SEC24D: variants seen among roughly 807,000 people sequenced by gnomAD.
SEC24D encodes SEC24 homolog D, COPII component.
Under a neutral mutation model 116.9 loss-of-function variants are expected in SEC24D, and 69 were observed. That is an observed-to-expected ratio of 0.59 (90% CI 0.49 to 0.72). The LOEUF is 0.72. SEC24D is among the 30% of genes least tolerant of loss of function. The probability of loss-of-function intolerance (pLI) is 0.00; values close to 1 mark genes in which losing one functional copy is unlikely to be tolerated. For synonymous variants in SEC24D, 405 were observed against 442.8 expected (o/e 0.91, Z 1.07); for missense variants, 1,131 against 1,264.1 (o/e 0.89, Z 1.60).
At position 118,764,880 on chromosome 4, in the gene SEC24D, T is replaced by C. The variant is rs781631414; in HGVS notation, c.1218A>G (p.Gly406=). The change falls in exon 10 of 23, where the codon GGA becomes GGG. Residue 406 remains glycine (G), a synonymous_variant. Coordinates refer to ENST00000280551, the MANE Select transcript of SEC24D (RefSeq NM_014822.4). ...GTTTCTCATAGTGGTCCAGTCTTCT[T>C]CCAATGTGGTCCAGATGTTGGAAAT... is the stretch of plus-strand genomic sequence containing the variant. ...PFYFQHLDHI[G]RRLDHYEKPE... 2.5e-6 allele frequency: 4 copies of C among 1,609,068 alleles called. No homozygotes were observed. Among genetic ancestry groups the C allele is most frequent in the Non-Finnish European group, 3.4e-6 (4 of 1,175,828 alleles).
intron 7 of SEC24D, among the ~76,000 whole-genome samples, chr4:118,804,171 A>C (rs905668848): frequency 5.9e-5 from 9 of 152,252 alleles, no homozygotes; most frequent in Non-Finnish European, 1.5e-5. Flanking sequence ...TTGAAAAAGA[A>C]AATTTAAATT....
chr4:118,739,141 A>G lies in SEC24D; in HGVS notation c.2377+8T>C. The G allele has an allele frequency of 1.2e-6, 2 of 1,613,098 alleles. No individual in the cohort carries two copies. Among genetic ancestry groups the G allele is most frequent in the Non-Finnish European group, 1.7e-6 (2 of 1,179,392 alleles). The stretch of plus-strand genomic sequence containing the variant: ...GTTTACTGAACCTCAGGATTGGCAA[A>G]GTGTTACCTGACTTGGCAAAGAAGT... On this transcript the variant is annotated splice_region_variant and intron_variant, in intron 18 of 22. Coordinates refer to ENST00000280551, the MANE Select transcript of SEC24D (RefSeq NM_014822.4).
chr4:118,814,601 T>C (rs1456050610), intron 6 of SEC24D, among the ~76,000 whole-genome samples: 1 of 152,232 alleles, frequency 6.6e-6, no homozygotes, highest in African/African-American at 2.4e-5. Context: ...AAATTTGTTT[T>C]TTTATTGTGC....
chr4:118,796,786 T>C (rs992636130), intron 8 of SEC24D, among the ~76,000 whole-genome samples: 2 of 152,242 alleles, frequency 1.3e-5, no homozygotes, highest in Admixed American at 1.3e-4. Context: ...TAGATGCTGC[T>C]AGGTGTACAT....
At chr4:118,806,395 C>T (rs1729682371) in intron 6 of SEC24D, among the ~76,000 whole-genome samples, 2 of 151,442 alleles carry the variant, frequency 1.3e-5, no homozygotes, top group Admixed American at 1.3e-4. Flanking sequence ...GAGTGCTGTG[C>T]CGCAATCATA....
At chr4:118,751,673 T>C (rs1464990556) in intron 13 of SEC24D, among the ~76,000 whole-genome samples, 3 of 152,170 alleles carry the variant, frequency 2.0e-5, no homozygotes, top group Non-Finnish European at 4.4e-5. Flanking sequence ...GAGGGTGATA[T>C]GGGAATCTGG....
chr4:118,759,747 TCTCTC>T (rs1193552602), intron 10 of SEC24D, among the ~76,000 whole-genome samples: 1 of 152,146 alleles, frequency 6.6e-6, no homozygotes, highest in Non-Finnish European at 1.5e-5. Context: ...TTATCCAACT[TCTCTC>T]CTCCCACCCA....
At chr4:118,767,203 C>T (rs893749092) in intron 9 of SEC24D, among the ~76,000 whole-genome samples, 16 of 152,204 alleles carry the variant, frequency 1.1e-4, no homozygotes, top group East Asian at 7.7e-4. Context: ...TGTGTGTGTG[C>T]GAGATAAGGT....
intron 3 of SEC24D, among the ~76,000 whole-genome samples, chr4:118,818,476 A>T (rs1256022265): frequency 1.3e-5 from 2 of 152,204 alleles, no homozygotes; most frequent in African/African-American, 4.8e-5. Context: ...CACTAATTTT[A>T]TCTTGTCATT....
At chr4:118,742,364 T>A (rs553290810) in intron 15 of SEC24D, among the ~76,000 whole-genome samples, 1 of 130,240 alleles carries the variant, frequency 7.7e-6, no homozygotes, top group East Asian at 2.2e-4. Context: ...AAAGTCCTTT[T>A]TGGAAAAGTG....
At chr4:118,761,628 A>G (rs948683869) in intron 10 of SEC24D, among the ~76,000 whole-genome samples, 3 of 152,216 alleles carry the variant, frequency 2.0e-5, no homozygotes, top group Non-Finnish European at 4.4e-5. Flanking sequence ...TTTGTTTGGC[A>G]TAGTGTTTGA....
chr4:118,782,246 T>G (rs1487182466), intron 8 of SEC24D, among the ~76,000 whole-genome samples: 1 of 152,238 alleles, frequency 6.6e-6, no homozygotes, highest in Admixed American at 6.5e-5. Flanking sequence ...GTCTTTGATG[T>G]TGGTGACCTA....
At chr4:118,784,907 G>A (rs1386328849) in intron 8 of SEC24D, among the ~76,000 whole-genome samples, 1 of 152,086 alleles carries the variant, frequency 6.6e-6, no homozygotes, top group Non-Finnish European at 1.5e-5. Context: ...TTATGAAATT[G>A]TTATTCTAGT....
intron 12 of SEC24D, 127 bp downstream of exon 12, chr4:118,752,570 G>T: frequency 4.7e-6 from 3 of 643,942 alleles, no homozygotes; most frequent in Non-Finnish European, 7.7e-6. Context: ...AAATGATAGA[G>T]TTTTATAATC....
Position 118,764,863 on chromosome 4 carries a change from T to A in SEC24D, c.1235A>T (p.Tyr412Phe). 1 of 1,611,826 alleles carries A rather than the reference T, an allele frequency of 6.2e-7. No homozygotes were observed. The highest frequency in any genetic ancestry group is 8.5e-7 in the Non-Finnish European group (1 of 1,178,130). Residue 412 changes from tyrosine to phenylalanine, a missense_variant, in exon 10 of 23, where the codon TAT (tyrosine) becomes TTT (phenylalanine). Physicochemically the swap from Tyr to Phe is conservative, Grantham distance 22. Coordinates refer to ENST00000280551, the MANE Select transcript of SEC24D (RefSeq NM_014822.4). ...LDHIGRRLDH[Y>F]EKPELSLGSY... ...TCCTAGAGATAACTCTGGTTTCTCA[T>A]AGTGGTCCAGTCTTCTTCCAATGTG... is the stretch of plus-strand genomic sequence containing the variant.
intron 2 of SEC24D, 101 bp from the exon 3 acceptor site, chr4:118,824,850 A>C: frequency 9.3e-7 from 1 of 1,078,154 alleles, no homozygotes; most frequent in Non-Finnish European, 1.3e-6. Flanking sequence ...GGAGGAGGGA[A>C]ACAAATGGAT....
intron 7 of SEC24D, among the ~76,000 whole-genome samples, chr4:118,799,558 T>C (rs1729330500): frequency 6.6e-6 from 1 of 152,118 alleles, no homozygotes; most frequent in South Asian, 2.1e-4. Flanking sequence ...AAGGGAATAA[T>C]TATGGCCAAA....
At chr4:118,774,731 T>C (rs1183495881) in intron 8 of SEC24D, among the ~76,000 whole-genome samples, 2 of 152,162 alleles carry the variant, frequency 1.3e-5, no homozygotes, top group Non-Finnish European at 2.9e-5. Context: ...TAATTGTCTC[T>C]GGTCATTTCT....
At chr4:118,810,046 G>C (rs1047351745) in intron 6 of SEC24D, among the ~76,000 whole-genome samples, 3 of 144,730 alleles carry the variant, frequency 2.1e-5, no homozygotes, top group Non-Finnish European at 4.5e-5. Flanking sequence ...GGGTGGAGAA[G>C]AGTGGTAAGA....
Sources: allele counts gnomAD v4.1 joint callset (sites outside exome capture counted in the v4.1 genomes callset), GRCh38; gene constraint gnomAD v4.1.1; transcripts MANE v1.5; gene names NCBI Gene and HGNC (gene_info 2026-07-23, HGNC 2026-07-21).